The following ERC2 variants were observed in gnomAD, a reference collection of about 807,000 sequenced individuals.
ERC2 encodes the protein ELKS/RAB6-interacting/CAST family member 2, also known as ERC protein 2.
Under a neutral mutation model 114.8 loss-of-function variants are expected in ERC2, and 42 were observed. The observed-to-expected ratio is 0.37, with a 90% CI of 0.29 to 0.47. ERC2 has a LOEUF of 0.47. Ranked by LOEUF, ERC2 falls within the 20% of genes least tolerant of loss-of-function variation. The pLI, the probability that ERC2 is intolerant of heterozygous loss-of-function variation, is 0.99. For missense variants in ERC2, 939 were observed against 1,150.7 expected (o/e 0.82, Z 2.66); for synonymous variants, 454 against 425.5 (o/e 1.07, Z -0.82).
At chr3:55,814,017 C>T (rs2059816540) in intron 14 of ERC2, among the ~76,000 whole-genome samples, 1 of 152,050 alleles carries the variant, frequency 6.6e-6, no homozygotes, top group South Asian at 2.1e-4. Flanking sequence ...GAAAAGATTC[C>T]AGGGATGAAG....
chr3:55,598,366 G>A (rs1283015343), intron 17 of ERC2, among the ~76,000 whole-genome samples: 1 of 152,192 alleles, frequency 6.6e-6, no homozygotes, highest in African/African-American at 2.4e-5. Context: ...GTGTGACCTT[G>A]GACAAGTTGC....
rs2052007405 is a variant in ERC2, at chr3:55,510,561, A to C, written c.*755T>G. ...GTGCCACGCATTGTCAGAGACACAC[A>C]CCATGTTCTCATAAGGCGATTTCTT... On this transcript the variant is annotated 3_prime_UTR_variant, in exon 18 of 18. Coordinates refer to ENST00000288221, the MANE Select transcript of ERC2 (RefSeq NM_015576.3). The C allele has an allele frequency of 6.6e-6, 1 of 152,612 alleles. No homozygotes were observed. Among genetic ancestry groups the C allele is most frequent in the African/African-American group, 2.4e-5 (1 of 41,444 alleles). 9.5% of individuals were successfully genotyped at this position (152,612 alleles called of 1,614,324 possible).
At chr3:55,773,595 T>C (rs1356014070) in intron 14 of ERC2, among the ~76,000 whole-genome samples, 1 of 152,264 alleles carries the variant, frequency 6.6e-6, no homozygotes, top group Non-Finnish European at 1.5e-5. Flanking sequence ...TTGTTGAGAA[T>C]ATCAGCTCTA....
chr3:56,244,977 T>C (rs2051583019), intron 3 of ERC2, among the ~76,000 whole-genome samples: 1 of 152,182 alleles, frequency 6.6e-6, no homozygotes, highest in Non-Finnish European at 1.5e-5. Context: ...TTGCCTGCAG[T>C]ATTCAGTACA....
chr3:55,603,843 C>T (rs1185769250), intron 17 of ERC2, among the ~76,000 whole-genome samples: 1 of 152,082 alleles, frequency 6.6e-6, no homozygotes, highest in Non-Finnish European at 1.5e-5. Flanking sequence ...TCAAAACTGG[C>T]ATTCATAGAT....
intron 3 of ERC2, among the ~76,000 whole-genome samples, chr3:56,294,879 G>C (rs1239931859): frequency 6.6e-6 from 1 of 152,158 alleles, no homozygotes; most frequent in African/African-American, 2.4e-5. Flanking sequence ...AAGCCATGTG[G>C]TTTCCCAAGC....
At chr3:56,251,814 T>A (rs2052174932) in intron 3 of ERC2, among the ~76,000 whole-genome samples, 1 of 152,192 alleles carries the variant, frequency 6.6e-6, no homozygotes, top group African/African-American at 2.4e-5. Context: ...GCACTTGTAT[T>A]CAGTCAGGGA....
At chr3:56,442,065 C>T (rs1000050990) in intron 1 of ERC2, among the ~76,000 whole-genome samples, 7 of 152,106 alleles carry the variant, frequency 4.6e-5, no homozygotes, top group African/African-American at 1.7e-4. Flanking sequence ...TTTATACTCA[C>T]ATCCTTACTC....
At chr3:55,975,632 G>C (rs2069522841) in intron 12 of ERC2, among the ~76,000 whole-genome samples, 1 of 152,112 alleles carries the variant, frequency 6.6e-6, no homozygotes, top group African/African-American at 2.4e-5. Context: ...TATCTCTCCA[G>C]CACAGAGATG....
intron 14 of ERC2, among the ~76,000 whole-genome samples, chr3:55,879,114 A>G (rs1334082077): frequency 1.4e-4 from 1 of 7,284 alleles, no homozygotes; most frequent in Non-Finnish European, 2.9e-4. Flanking sequence ...TTTTTTTGGC[A>G]GAGTTTCTGC....
chr3:55,640,795 G>T (rs1018011734), intron 17 of ERC2, among the ~76,000 whole-genome samples: 1 of 152,190 alleles, frequency 6.6e-6, no homozygotes, highest in Non-Finnish European at 1.5e-5. Context: ...AACAAGCCCT[G>T]TAGGAGACGT....
chr3:56,379,013 A>G (rs2059651000), intron 2 of ERC2, among the ~76,000 whole-genome samples: 1 of 152,232 alleles, frequency 6.6e-6, no homozygotes, highest in Non-Finnish European at 1.5e-5. Context: ...TATTTAACCC[A>G]ATATACCAAA....
chr3:56,287,159 A>T (rs2150337837), intron 3 of ERC2, among the ~76,000 whole-genome samples: 1 of 152,338 alleles, frequency 6.6e-6, no homozygotes, highest in South Asian at 2.1e-4. Context: ...GAGCAATGAA[A>T]TGCACATGTC....
chr3:55,555,874 C>T lies in ERC2; in HGVS notation c.*40-44598G>A, dbSNP rs146650966. Among the ~76,000 whole-genome samples, 16 of 152,272 alleles carry T rather than the reference C, an allele frequency of 1.1e-4. No individual in the cohort carries two copies. The East Asian group carries it at 1.9e-3, about 18-fold the overall frequency. ...GCTGCTCGCTCAGAAAACGGGTCAC[C>T]GAGGAAAGATTTCAGCAGGAAAGAG... is the stretch of plus-strand genomic sequence containing the variant. On this transcript the variant is annotated intron_variant, in intron 17 of 17. Transcript: ENST00000288221.
At chr3:56,293,212 C>A (rs2055206614) in intron 3 of ERC2, among the ~76,000 whole-genome samples, 1 of 152,164 alleles carries the variant, frequency 6.6e-6, no homozygotes, top group Admixed American at 6.5e-5. Flanking sequence ...CATACAGATG[C>A]TATTTTGAAA....
chr3:56,134,164 A>G (rs1380430634), intron 6 of ERC2, among the ~76,000 whole-genome samples: 3 of 152,224 alleles, frequency 2.0e-5, no homozygotes, highest in Non-Finnish European at 4.4e-5. Context: ...CACTTTGAAC[A>G]GTTGCATATT....
intron 2 of ERC2, among the ~76,000 whole-genome samples, chr3:56,315,951 C>A (rs528197246): frequency 1.3e-5 from 2 of 152,030 alleles, no homozygotes; most frequent in African/African-American, 2.4e-5. Flanking sequence ...GAATTTAAAT[C>A]GAAGTAAGCC....
chr3:56,082,850 C>T (rs2077309070), intron 6 of ERC2, among the ~76,000 whole-genome samples: 1 of 152,136 alleles, frequency 6.6e-6, no homozygotes, highest in African/African-American at 2.4e-5. Context: ...AGCAGTGACA[C>T]TAGATTTTCA....
chr3:56,364,994 A>G (rs2059096002), intron 2 of ERC2, among the ~76,000 whole-genome samples: 1 of 152,218 alleles, frequency 6.6e-6, no homozygotes, highest in Admixed American at 6.5e-5. Context: ...ATGTTTCCTC[A>G]TCGGAACAAT....
Sources: allele counts gnomAD v4.1 joint callset (sites outside exome capture counted in the v4.1 genomes callset), GRCh38; gene constraint gnomAD v4.1.1; transcripts MANE v1.5; gene names NCBI Gene and HGNC (gene_info 2026-07-23, HGNC 2026-07-21).